TENM2: variants seen among roughly 807,000 people sequenced by gnomAD.
TENM2 encodes the protein teneurin transmembrane protein 2.
Under a neutral mutation model 245.2 loss-of-function variants are expected in TENM2, and 52 were observed. The observed-to-expected ratio is 0.21, with a 90% confidence interval of 0.17 to 0.27. The LOEUF is 0.27. TENM2 is among the 10% of genes least tolerant of loss of function. The pLI, the probability that TENM2 is intolerant of heterozygous loss-of-function variation, is 1.00. For synonymous variants in TENM2, 1,363 were observed against 1,438.9 expected, an observed-to-expected ratio of 0.95 and a Z score of 1.19; for missense variants, 3,046 against 3,666.8, an observed-to-expected ratio of 0.83 and a Z score of 4.37.
intron 2 of TENM2, among the ~76,000 whole-genome samples, chr5:167,868,087 G>A (rs889922867): frequency 6.6e-6 from 1 of 152,176 alleles, no homozygotes; most frequent in African/African-American, 2.4e-5. Flanking sequence ...GCCATCACAC[G>A]TAGTAATACA....
chr5:167,349,089 T>C (rs2127835317), intron 1 of TENM2, among the ~76,000 whole-genome samples: 1 of 152,336 alleles, frequency 6.6e-6, no homozygotes, highest in Admixed American at 6.5e-5. Flanking sequence ...AGTAAATTTC[T>C]AAGCTGTTAT....
At chr5:167,802,426 A>T (rs1478009067) in intron 2 of TENM2, among the ~76,000 whole-genome samples, 1 of 152,162 alleles carries the variant, frequency 6.6e-6, no homozygotes, top group Non-Finnish European at 1.5e-5. Flanking sequence ...AGTTACTAGA[A>T]GTGTTAAATG....
chr5:167,823,450 C>A (rs573664655), intron 2 of TENM2, among the ~76,000 whole-genome samples: 2 of 152,160 alleles, frequency 1.3e-5, no homozygotes, highest in Non-Finnish European at 2.9e-5. Context: ...CCCTCACCCC[C>A]CTGCCACCAA....
At chr5:167,178,611 C>T in the TENM2 span, among the ~76,000 whole-genome samples, 8 of 151,904 alleles carry the variant, frequency 5.3e-5, no homozygotes, top group Non-Finnish European at 7.4e-5. Context: ...AAGCCTGTGG[C>T]GAGTACAACC....
intron 27 of TENM2, among the ~76,000 whole-genome samples, chr5:168,256,586 G>A (rs1767691009): frequency 6.6e-6 from 1 of 152,106 alleles, no homozygotes; most frequent in South Asian, 2.1e-4. Flanking sequence ...CACCACGCCC[G>A]GCTATTTTTT....
the TENM2 span, among the ~76,000 whole-genome samples, chr5:167,043,012 T>G: frequency 6.6e-6 from 1 of 152,324 alleles, no homozygotes; most frequent in Non-Finnish European, 1.5e-5. Context: ...CCACAGTCTC[T>G]GGAACGATAC....
intron 13 of TENM2, among the ~76,000 whole-genome samples, chr5:168,170,719 C>G (rs1050530210): frequency 6.6e-6 from 1 of 152,158 alleles, no homozygotes; most frequent in African/African-American, 2.4e-5. Context: ...CTCCTCTTGC[C>G]GTCTGCTCTC....
intron 2 of TENM2, among the ~76,000 whole-genome samples, chr5:167,473,165 A>C (rs1278249636): frequency 6.6e-6 from 1 of 152,152 alleles, no homozygotes; most frequent in Non-Finnish European, 1.5e-5. Flanking sequence ...TTTTTGTGTT[A>C]TGTACATACC....
intron 2 of TENM2, among the ~76,000 whole-genome samples, chr5:167,618,612 T>C (rs1431499907): frequency 6.6e-6 from 1 of 152,112 alleles, no homozygotes; most frequent in Non-Finnish European, 1.5e-5. Context: ...TATAAGTTCA[T>C]TAAGTCTGTG....
At chr5:168,156,455 C>T (rs1757194208) in intron 12 of TENM2, among the ~76,000 whole-genome samples, 1 of 152,016 alleles carries the variant, frequency 6.6e-6, no homozygotes, top group South Asian at 2.1e-4. Context: ...TTTTCTTAGG[C>T]ATGCTTGATG....
chr5:167,755,888 G>A (rs1451086015), intron 2 of TENM2, among the ~76,000 whole-genome samples: 4 of 152,096 alleles, frequency 2.6e-5, no homozygotes, highest in Admixed American at 2.0e-4. Context: ...TTCAAAGAGG[G>A]TGCTGCTGTC....
chr5:167,811,063 A>C (rs1014608892), intron 2 of TENM2, among the ~76,000 whole-genome samples: 2 of 152,110 alleles, frequency 1.3e-5, no homozygotes, highest in Non-Finnish European at 2.9e-5. Flanking sequence ...GAAGAATCTT[A>C]CTCCAAATTT....
In TENM2 at chr5:167,436,969, C is replaced by T. The variant is rs545968715; in HGVS notation, c.502+61496C>T. 8.5e-5 allele frequency among the ~76,000 whole-genome samples: 13 copies of T among 152,334 alleles called. No individual in the cohort carries two copies. The East Asian group carries it at 1.9e-3, about 23-fold the overall frequency. ...AGGGGCGAGCCCTCACGGAGAACCT[C>T]TGCTAGGGCAGTGTAGAAGGGATAT... On this transcript the variant is annotated intron_variant, in intron 2 of 28. Transcript: ENST00000518659.
rs1449321176 is a variant in TENM2, at chr5:168,083,743, AT to A, written c.1516-6830del. Among the ~76,000 whole-genome samples, 5 of 152,336 alleles carry A rather than the reference AT, an allele frequency of 3.3e-5. No individual in the cohort carries two copies. In the South Asian group the frequency reaches 8.3e-4, roughly 25 times the overall value. ...GAAGTAATAGACGTTTTTTAAAAAAATAATTTCAGCTTTTTTTTTAGACTCA... is the reference window on the plus strand; with the variant it reads ...GAAGTAATAGACGTTTTTTAAAAAAAAATTTCAGCTTTTTTTTTAGACTCA... On this transcript the variant is annotated intron_variant, in intron 7 of 28. Coordinates refer to ENST00000518659, the Ensembl canonical transcript of TENM2.
intron 2 of TENM2, among the ~76,000 whole-genome samples, chr5:167,683,262 C>CTTTT (rs1561668820): frequency 1.3e-5 from 1 of 79,082 alleles, no homozygotes; most frequent in African/African-American, 1.1e-4. Flanking sequence ...TTTTTTTTTC[C>CTTTT]CCCCCTGGGC....
In TENM2 at chr5:167,411,569, T is replaced by TGAGAGA. The variant is rs796512035; in HGVS notation, c.502+36101_502+36102insAGAGAG. Among the ~76,000 whole-genome samples, 7 of 132,934 alleles carry TGAGAGA rather than the reference T, an allele frequency of 5.3e-5. 1 individual carries two copies. The East Asian group carries it at 1.6e-3, about 31-fold the overall frequency. 87.2% of individuals were successfully genotyped at this position (132,934 alleles called of 152,430 possible). Reference sequence around the variant, plus strand: ...TTGTGTGTGCATGTGTATATGTAGGTGAGAGTGTGTGTGTGTGTGTGTGTG... The same window carrying TGAGAGA: ...TTGTGTGTGCATGTGTATATGTAGGTGAGAGAGAGAGTGTGTGTGTGTGTGTGTGTG... On this transcript the variant is annotated intron_variant, in intron 2 of 28. Coordinates refer to ENST00000518659, the Ensembl canonical transcript of TENM2.
intron 2 of TENM2, among the ~76,000 whole-genome samples, chr5:167,554,747 C>A (rs1326873360): frequency 6.6e-6 from 1 of 152,150 alleles, no homozygotes; most frequent in African/African-American, 2.4e-5. Flanking sequence ...GACCCCAGGG[C>A]CTGTATTCCT....
chr5:167,921,780 C>T (rs972246394), intron 3 of TENM2, among the ~76,000 whole-genome samples: 2 of 152,126 alleles, frequency 1.3e-5, no homozygotes, highest in African/African-American at 4.8e-5. Flanking sequence ...GTTTATTAAG[C>T]ACTTATGAAC....
intron 1 of TENM2, among the ~76,000 whole-genome samples, chr5:167,312,709 A>T (rs919034914): frequency 6.6e-6 from 1 of 152,106 alleles, no homozygotes; most frequent in Non-Finnish European, 1.5e-5. Context: ...AGAAAAAAAA[A>T]ACTTGTGAGA....
Sources: allele counts gnomAD v4.1 joint callset (sites outside exome capture counted in the v4.1 genomes callset), GRCh38; gene constraint gnomAD v4.1.1; transcripts MANE v1.5; gene names NCBI Gene and HGNC (gene_info 2026-07-23, HGNC 2026-07-21).